The following MCM5 variants were observed in gnomAD, a reference collection of about 807,000 sequenced individuals.
The protein encoded by MCM5 is DNA replication licensing factor MCM5.
A neutral mutation model predicts 79.9 loss-of-function variants in MCM5; 46 were observed. The ratio of observed to expected loss-of-function variants is 0.58; its 90% CI spans 0.45 to 0.74. The LOEUF (loss-of-function observed/expected upper bound fraction) is 0.74. Ranked by LOEUF, MCM5 falls within the 30% of genes least tolerant of loss-of-function variation. The probability of loss-of-function intolerance (pLI) is 0.00; values close to 1 mark genes in which losing one functional copy is unlikely to be tolerated. For synonymous variants in MCM5, 404 were observed against 390.5 expected (o/e 1.03, Z -0.41); for missense variants, 883 against 1,017.0 (o/e 0.87, Z 1.79).
rs1046163101 is a variant in MCM5, at chr22:35,425,382, T to C, written c.*1127T>C. 3.9e-5 allele frequency: 6 copies of C among 152,206 alleles called. No individual in the cohort carries two copies. The highest frequency in any genetic ancestry group is 1.4e-4 in the African/African-American group (6 of 41,460). The allele number at this position is 152,206 out of a possible 1,614,324, so 9.4% of individuals were successfully genotyped here. On this transcript the variant is annotated 3_prime_UTR_variant, in exon 17 of 17. Transcript: ENST00000216122. ...ATTGCCATGTAAAAATGACACGAAC[T>C]TGAAGTAAGATTATTTGATTTTTCT...
At chr22:35,447,686 C>T in the MCM5 span, among the ~76,000 whole-genome samples, 3 of 152,210 alleles carry the variant, frequency 2.0e-5, no homozygotes, top group South Asian at 6.2e-4. Context: ...GGGCTGGTCT[C>T]GGACTCCTGA....
At chr22:35,436,541 C>T in the MCM5 span, among the ~76,000 whole-genome samples, 1 of 152,222 alleles carries the variant, frequency 6.6e-6, no homozygotes, top group Non-Finnish European at 1.5e-5. Context: ...TTTGCCAGCG[C>T]CCACTGCACC....
intron 16 of MCM5, chr22:35,423,902 G>T: frequency 2.1e-6 from 1 of 475,220 alleles, no homozygotes; most frequent in Non-Finnish European, 3.7e-6. Flanking sequence ...CTTAGAGAAA[G>T]GTTTAGAGCT....
chr22:35,442,131 G>A, the MCM5 span, among the ~76,000 whole-genome samples: 3 of 151,928 alleles, frequency 2.0e-5, no homozygotes, highest in South Asian at 2.1e-4. Flanking sequence ...CCTGCTTGGC[G>A]TTGTTTCCCG....
chr22:35,429,933 T>C (rs958152440), downstream of MCM5, among the ~76,000 whole-genome samples: 1 of 152,222 alleles, frequency 6.6e-6, no homozygotes, highest in South Asian at 2.1e-4. Context: ...CTGTGGAATA[T>C]ATTACCCTCT....
chr22:35,442,150 G>A, the MCM5 span, among the ~76,000 whole-genome samples: 1 of 151,912 alleles, frequency 6.6e-6, no homozygotes, highest in Admixed American at 6.6e-5. Flanking sequence ...CGGCTGTCCT[G>A]TCCTTCACCC....
chr22:35,435,941 C>T, the MCM5 span, among the ~76,000 whole-genome samples: 2 of 151,938 alleles, frequency 1.3e-5, no homozygotes. Context: ...CCGAGGCGGG[C>T]GGATCACCTG....
At chr22:35,441,485 C>T in the MCM5 span, among the ~76,000 whole-genome samples, 40 of 152,296 alleles carry the variant, frequency 2.6e-4, no homozygotes, top group South Asian at 4.1e-3. Context: ...ACCTATTATC[C>T]CTCACACAGC....
chr22:35,429,999 C>T (rs570982501), downstream of MCM5, among the ~76,000 whole-genome samples: 14 of 152,298 alleles, frequency 9.2e-5, no homozygotes, highest in African/African-American at 2.4e-4. Context: ...GTGTTAACAC[C>T]GAAAGTCTTG....
the MCM5 span, among the ~76,000 whole-genome samples, chr22:35,444,987 G>T: frequency 1.3e-5 from 2 of 152,238 alleles, no homozygotes; most frequent in African/African-American, 4.8e-5. Flanking sequence ...TCTGCGGCCA[G>T]AGCGACCCTG....
chr22:35,415,457 T>C (rs1932514117), intron 9 of MCM5, among the ~76,000 whole-genome samples: 1 of 152,054 alleles, frequency 6.6e-6, no homozygotes, highest in Non-Finnish European at 1.5e-5. Flanking sequence ...GGACTCACGA[T>C]GGGGGCAGGC....
downstream of MCM5, among the ~76,000 whole-genome samples, chr22:35,425,965 T>C (rs952675100): frequency 6.6e-6 from 1 of 152,144 alleles, no homozygotes; most frequent in Admixed American, 6.5e-5. Context: ...ACTCCACCCA[T>C]GTCACCTTTT....
chr22:35,404,379 A>G (rs1932151899), intron 4 of MCM5, among the ~76,000 whole-genome samples: 2 of 152,158 alleles, frequency 1.3e-5, no homozygotes, highest in Non-Finnish European at 1.5e-5. Flanking sequence ...TCTTTCACAG[A>G]TACATTATTG....
At chr22:35,424,111 C>G in intron 16 of MCM5, 43 bp from the exon 17 acceptor site, 1 of 1,370,700 alleles carries the variant, frequency 7.3e-7, no homozygotes, top group Non-Finnish European at 1.0e-6. Flanking sequence ...GTCGGAGTCC[C>G]CTCGGGCAGC....
At chr22:35,426,266 A>AG (rs1569072276), downstream of MCM5, among the ~76,000 whole-genome samples, 1 of 152,200 alleles carries the variant, frequency 6.6e-6, no homozygotes, top group Non-Finnish European at 1.5e-5. Context: ...CCCCTGAGCC[A>AG]GGGAAACACC....
chr22:35,446,835 ATG>A, the MCM5 span, among the ~76,000 whole-genome samples: 2 of 151,876 alleles, frequency 1.3e-5, no homozygotes, highest in Non-Finnish European at 2.9e-5. Context: ...TCTTTTCTGA[ATG>A]GGGGGGTTTG....
At chr22:35,405,261 A>G (rs948458757) in intron 4 of MCM5, among the ~76,000 whole-genome samples, 25 of 150,154 alleles carry the variant, frequency 1.7e-4, no homozygotes, top group African/African-American at 5.9e-4. Context: ...CAGGTGATCC[A>G]TAGATGCCAA....
chr22:35,423,820 C>T (rs1323017105), intron 16 of MCM5: 1 of 268,842 alleles, frequency 3.7e-6, no homozygotes, highest in Non-Finnish European at 7.0e-6. Context: ...GCTCCTTGTA[C>T]ATCATCTCAT....
Position 35,403,483 on chromosome 22 carries a change from C to T in MCM5, c.364C>T (p.Gln122Ter). The T allele has an allele frequency of 1.9e-6, 3 of 1,614,182 alleles. No homozygotes were observed. The highest frequency in any genetic ancestry group is 2.5e-6 in the Non-Finnish European group (3 of 1,180,036). The change falls in exon 4 of 17, where the codon CAG (glutamine) becomes TAG (stop). Residue 122 changes from glutamine (Q) to a stop codon, truncating the protein, a stop_gained. Coordinates refer to ENST00000216122, the MANE Select transcript of MCM5 (RefSeq NM_006739.4). LOFTEE classifies it high-confidence loss of function. The stretch of plus-strand genomic sequence containing the variant: ...CCGGCCTTCTGGGGAGGAGGTGCTC[C>T]AGGACATCCAGGTCATGCTCAAGTC... ...RPRPSGEEVL[Q>*]DIQVMLKSDA... is the part of the protein sequence containing the mutation.
Sources: allele counts gnomAD v4.1 joint callset (sites outside exome capture counted in the v4.1 genomes callset), GRCh38; gene constraint gnomAD v4.1.1; transcripts MANE v1.5; gene names NCBI Gene and HGNC (gene_info 2026-07-23, HGNC 2026-07-21).